Variants in DPP6 observed in about 807,000 individuals in gnomAD.
The protein encoded by DPP6 is A-type potassium channel modulatory protein DPP6.
DPP6 carries 69 observed loss-of-function variants against 122.6 expected under a neutral mutation model. That is an observed-to-expected ratio of 0.56 (90% CI 0.46 to 0.69). The LOEUF is 0.69. Ranked by LOEUF, DPP6 falls within the 30% of genes least tolerant of loss-of-function variation. The pLI is 0.00. For missense variants in DPP6, 928 were observed against 1,116.9 expected, an observed-to-expected ratio of 0.83 and a Z score of 2.41; for synonymous variants, 418 against 433.1, an observed-to-expected ratio of 0.97 and a Z score of 0.43.
At chr7:154,289,169 G>A (rs997481514) in intron 1 of DPP6, among the ~76,000 whole-genome samples, 1 of 152,156 alleles carries the variant, frequency 6.6e-6, no homozygotes, top group Non-Finnish European at 1.5e-5. Context: ...TAGTGGAGAG[G>A]TAGATTTCAA....
intron 17 of DPP6, 82 bp from the exon 18 acceptor site, chr7:154,867,913 C>T (rs1009804144): frequency 6.7e-5 from 98 of 1,456,954 alleles, no homozygotes; most frequent in African/African-American, 2.3e-4. Context: ...GCAGCAGTTA[C>T]GCACATGAAA....
intron 5 of DPP6, among the ~76,000 whole-genome samples, chr7:154,576,864 A>G (rs1259362200): frequency 7.9e-5 from 12 of 152,192 alleles, no homozygotes; most frequent in Non-Finnish European, 1.5e-4. Flanking sequence ...TGATTGCCAC[A>G]GGCCTCAGAA....
chr7:153,938,244 G>A lies in DPP6; in HGVS notation c.51+50510G>A, dbSNP rs192598909. Among the ~76,000 whole-genome samples the A allele has an allele frequency of 2.1e-3, 318 of 152,276 alleles. 1 individual carries two copies. The highest frequency in any genetic ancestry group is 3.8e-3 in the Non-Finnish European group (258 of 68,026). ...CCTTTCATCTTCGTTCTACTCATGC[G>A]TTTGCCCCAGATGAGCAGGTAAGCT... On this transcript the variant is annotated intron_variant, in intron 1 of 25. Transcript: ENST00000404039.
chr7:154,577,802 G>A (rs1484172860), intron 5 of DPP6, among the ~76,000 whole-genome samples: 1 of 152,180 alleles, frequency 6.6e-6, no homozygotes, highest in Non-Finnish European at 1.5e-5. Context: ...GGCCATTATC[G>A]TAGCTCATTA....
At position 154,471,461 on chromosome 7, in the gene DPP6, A is replaced by C. The variant is rs1822268733; in HGVS notation, c.359-3478A>C. On this transcript the variant is annotated intron_variant, in intron 2 of 25. Transcript: ENST00000377770. The stretch of plus-strand genomic sequence containing the variant: ...GGCTTGGAAGGTTGGTTTTCATGAG[A>C]GACCAGGGGTACATGGAGTCCCTGC... Among the ~76,000 whole-genome samples the C allele has an allele frequency of 1.3e-5, 2 of 152,096 alleles. 1 individual carries two copies. Among genetic ancestry groups the C allele is most frequent in the Admixed American group, 1.3e-4 (2 of 15,274 alleles).
At position 154,888,808 on chromosome 7, in the gene DPP6, T is replaced by G. The variant is rs183391908; in HGVS notation, c.2305-464T>G. On this transcript the variant is annotated intron_variant, in intron 23 of 25. Transcript: ENST00000377770. ...AAAGGAAATAGGTTTAGTGGAGAAC[T>G]TACAGTTCCACATGGCTGGGGAAGC... is the stretch of plus-strand genomic sequence containing the variant. Among the ~76,000 whole-genome samples, 293 of 152,298 alleles carry G rather than the reference T, an allele frequency of 1.9e-3. 1 individual carries two copies. Among genetic ancestry groups the G allele is most frequent in the African/African-American group, 6.7e-3 (279 of 41,554 alleles).
the DPP6 span, among the ~76,000 whole-genome samples, chr7:153,798,928 C>G: frequency 6.6e-6 from 1 of 152,160 alleles, no homozygotes; most frequent in African/African-American, 2.4e-5. Context: ...CAACAGAGTT[C>G]CAGCTCCTAT....
At chr7:154,078,924 G>T in intron 1 of DPP6, among the ~76,000 whole-genome samples, 1 of 105,334 alleles carries the variant, frequency 9.5e-6, no homozygotes, top group African/African-American at 4.1e-5. Context: ...TATCTCAAAG[G>T]AAGTGAAAAT....
At chr7:154,271,669 A>G (rs989021215) in intron 1 of DPP6, among the ~76,000 whole-genome samples, 2 of 152,166 alleles carry the variant, frequency 1.3e-5, no homozygotes, top group African/African-American at 4.8e-5. Context: ...CAAAAGAAAG[A>G]GTGCACCTTC....
chr7:154,178,393 CCCTAA>C (rs1231403266), intron 1 of DPP6, among the ~76,000 whole-genome samples: 1 of 151,408 alleles, frequency 6.6e-6, no homozygotes, highest in Admixed American at 6.6e-5. Context: ...TATCTTCAGC[CCCTAA>C]CCACAAAGCC....
At position 154,475,007 on chromosome 7, in the gene DPP6, A is replaced by C. The variant is rs751968747; in HGVS notation, c.427A>C (p.Ile143Leu). Residue 143 changes from isoleucine to leucine, a missense_variant, in exon 3 of 26, where the codon ATT (isoleucine) becomes CTT (leucine). Transcript: ENST00000377770. The stretch of plus-strand genomic sequence containing the variant: ...AGATCTCTTCAGTGAAGACTTCAAA[A>C]TTCATGACCCCGAGGCTAAGTGGAT... The part of the protein sequence containing the change: ...VEDLFSEDFK[I>L]HDPEAKWISD... 6.2e-7 allele frequency: 1 copy of C among 1,613,722 alleles called. No homozygotes were observed. The highest frequency in any genetic ancestry group is 8.5e-7 in the Non-Finnish European group (1 of 1,179,776).
chr7:154,723,970 C>T (rs1297778774), intron 7 of DPP6, among the ~76,000 whole-genome samples: 1 of 152,170 alleles, frequency 6.6e-6, no homozygotes, highest in Non-Finnish European at 1.5e-5. Context: ...ATCCATGCAC[C>T]AGAAAATGCA....
chr7:153,824,061 C>G, the DPP6 span, among the ~76,000 whole-genome samples: 3 of 152,164 alleles, frequency 2.0e-5, no homozygotes, highest in African/African-American at 7.2e-5. Context: ...CTGGGTGGTC[C>G]TCCCTTTTCA....
rs1488252267 is a variant in DPP6, at chr7:154,657,050, A to G, written c.681-12310A>G. On this transcript the variant is annotated intron_variant, in intron 6 of 25. Coordinates refer to ENST00000377770, the MANE Select transcript of DPP6 (RefSeq NM_130797.4). ...AGAGGCTGCGTGGGAGGAGGTGCTC[A>G]TGGGTGGGTGGAGAGGCTGCGTGGG... Among the ~76,000 whole-genome samples, 6 of 103,850 alleles carry G rather than the reference A, an allele frequency of 5.8e-5. 1 individual carries two copies. The highest frequency in any genetic ancestry group is 1.9e-4 in the Admixed American group (2 of 10,716). The allele number at this position is 103,850 out of a possible 152,430, so 68.1% of individuals were successfully genotyped here.
intron 1 of DPP6, among the ~76,000 whole-genome samples, chr7:154,376,683 A>C (rs1813156074): frequency 6.6e-6 from 1 of 152,228 alleles, no homozygotes; most frequent in Non-Finnish European, 1.5e-5. Flanking sequence ...GGTATCCAGC[A>C]GTAGTTCTGG....
chr7:154,195,342 C>T (rs1006893675), intron 1 of DPP6, among the ~76,000 whole-genome samples: 3 of 152,164 alleles, frequency 2.0e-5, no homozygotes, highest in African/African-American at 7.2e-5. Context: ...AAGGGCCGCT[C>T]CAGGAGCCCA....
the DPP6 span, among the ~76,000 whole-genome samples, chr7:153,857,873 G>C: frequency 6.6e-6 from 1 of 152,270 alleles, no homozygotes. Flanking sequence ...TATGATCAGG[G>C]TTAGGTTGTC....
chr7:154,003,355 G>A (rs1797770248), intron 1 of DPP6, among the ~76,000 whole-genome samples: 1 of 152,188 alleles, frequency 6.6e-6, no homozygotes. Flanking sequence ...TAGACACTGA[G>A]TATGTTAGTT....
At chr7:154,658,843 G>A (rs35086913) in intron 6 of DPP6, among the ~76,000 whole-genome samples, 1 of 152,338 alleles carries the variant, frequency 6.6e-6, no homozygotes, top group Non-Finnish European at 1.5e-5. Flanking sequence ...GGTCAGCTGA[G>A]GTTGGAGACA....
Sources: gnomAD v4.1 joint callset for allele counts (sites outside exome capture counted in the v4.1 genomes callset) on GRCh38, gnomAD v4.1.1 for gene constraint, MANE v1.5 for transcripts, NCBI Gene and HGNC (gene_info 2026-07-23, HGNC 2026-07-21) for gene names.